The following PCDHA4 variants were observed in gnomAD, a reference collection of about 807,000 sequenced individuals.
The protein encoded by PCDHA4 is protocadherin alpha-4.
In PCDHA4, 49 loss-of-function variants were observed where a neutral mutation model predicts 61.4. The ratio of observed to expected loss-of-function variants is 0.80; its 90% CI spans 0.63 to 1.01. The LOEUF (loss-of-function observed/expected upper bound fraction) is 1.01. Ranked by LOEUF, PCDHA4 falls within the 50% of genes least tolerant of loss-of-function variation. The probability of loss-of-function intolerance (pLI) is 0.00; values close to 1 mark genes in which losing one functional copy is unlikely to be tolerated. For synonymous variants in PCDHA4, 590 were observed against 550.3 expected, an observed-to-expected ratio of 1.07 and a Z score of -1.01; for missense variants, 1,254 against 1,235.8, an observed-to-expected ratio of 1.01 and a Z score of -0.22.
intron 1 of PCDHA4, chr5:140,827,834 A>G: frequency 2.3e-6 from 1 of 435,400 alleles, no homozygotes; most frequent in Non-Finnish European, 4.0e-6. Flanking sequence ...AAGTAGAGAA[A>G]AGAAGATACT....
intron 1 of PCDHA4, among the ~76,000 whole-genome samples, chr5:140,951,315 C>A (rs782114634): frequency 6.6e-6 from 1 of 151,988 alleles, no homozygotes; most frequent in Non-Finnish European, 1.5e-5. Context: ...ATGTGTTATT[C>A]TTGAGATTCA....
At chr5:140,970,775 C>T (rs2096433002) in intron 1 of PCDHA4, among the ~76,000 whole-genome samples, 1 of 152,160 alleles carries the variant, frequency 6.6e-6, no homozygotes, top group Non-Finnish European at 1.5e-5. Context: ...GCTGTACATA[C>T]ATATTGTATG....
rs536608044 is a variant in PCDHA4 at position 140,809,816 on chromosome 5, T to C, written c.2385+244T>C. On this transcript the variant is annotated intron_variant, in intron 1 of 3. Coordinates refer to ENST00000530339, the MANE Select transcript of PCDHA4 (RefSeq NM_018907.4). ...TGTAATTTCTAGTAAATTTTCACTATATTCACCCTCTTTGTTTTTGGTAAT... is the reference window on the plus strand; with the variant it reads ...TGTAATTTCTAGTAAATTTTCACTACATTCACCCTCTTTGTTTTTGGTAAT... 8 of 407,052 alleles carry C rather than the reference T, an allele frequency of 2.0e-5. No homozygotes were observed. The South Asian group carries it at 4.1e-4, about 21-fold the overall frequency. The allele number at this position is 407,052 out of a possible 1,614,324, so 25.2% of individuals were successfully genotyped here.
intron 1 of PCDHA4, chr5:140,823,273 G>T (rs893775587): frequency 7.4e-6 from 12 of 1,612,400 alleles, no homozygotes; most frequent in Non-Finnish European, 1.0e-5. Flanking sequence ...GCGGGTGGGC[G>T]AGCGCCCGCT....
chr5:140,929,722 T>G (rs558208996), intron 1 of PCDHA4: 1 of 221,696 alleles, frequency 4.5e-6, no homozygotes, highest in Non-Finnish European at 9.4e-6. Flanking sequence ...AGGTGAAACA[T>G]TTACTTAAAC....
chr5:140,827,381 C>A, intron 1 of PCDHA4, among the ~76,000 whole-genome samples: 1 of 152,258 alleles, frequency 6.6e-6, no homozygotes, highest in South Asian at 2.1e-4. Flanking sequence ...CTAATATAAG[C>A]TGCAGATAAA....
At chr5:140,977,283 G>A (rs2096753441) in intron 1 of PCDHA4, among the ~76,000 whole-genome samples, 1 of 152,190 alleles carries the variant, frequency 6.6e-6, no homozygotes, top group African/African-American at 2.4e-5. Context: ...CTCAAAGGAA[G>A]GTTCTCTCAG....
intron 1 of PCDHA4, among the ~76,000 whole-genome samples, chr5:140,896,047 G>T (rs1369678792): frequency 6.6e-6 from 1 of 152,138 alleles, no homozygotes; most frequent in Non-Finnish European, 1.5e-5. Context: ...CTGACCTCAG[G>T]TGATCCGCCT....
chr5:140,848,815 A>G, intron 1 of PCDHA4: 4 of 1,591,096 alleles, frequency 2.5e-6, no homozygotes, highest in Non-Finnish European at 2.6e-6. Context: ...ATCCACCTGG[A>G]GGTGATCGTA....
intron 1 of PCDHA4, among the ~76,000 whole-genome samples, chr5:140,921,151 ATT>A (rs11299094): frequency 0.33 from 49,606 of 151,532 alleles, 8,413 homozygotes; most frequent in East Asian, 0.53. Flanking sequence ...CAGCTAATGC[ATT>A]TTTTTTTTAA....
chr5:140,943,830 G>C (rs1245752469), intron 1 of PCDHA4, among the ~76,000 whole-genome samples: 1 of 152,198 alleles, frequency 6.6e-6, no homozygotes, highest in Non-Finnish European at 1.5e-5. Context: ...TGAGTTGATT[G>C]AAGTTGTAAG....
At chr5:140,911,151 G>A (rs2075350899) in intron 1 of PCDHA4, among the ~76,000 whole-genome samples, 1 of 152,174 alleles carries the variant, frequency 6.6e-6, no homozygotes, top group South Asian at 2.1e-4. Context: ...TTTCTCCTCA[G>A]ACAAATGTGG....
intron 1 of PCDHA4, among the ~76,000 whole-genome samples, chr5:140,897,416 T>C (rs1233824796): frequency 6.9e-6 from 1 of 145,554 alleles, no homozygotes; most frequent in African/African-American, 2.5e-5. Flanking sequence ...TCAATTCCCA[T>C]CTATGAGTGA....
chr5:140,885,207 T>C (rs1405388039), intron 1 of PCDHA4, among the ~76,000 whole-genome samples: 1 of 152,140 alleles, frequency 6.6e-6, no homozygotes, highest in Admixed American at 6.5e-5. Context: ...ATATATCCCA[T>C]GAAAAATATC....
intron 1 of PCDHA4, among the ~76,000 whole-genome samples, chr5:140,892,806 A>G (rs1262963314): frequency 2.6e-5 from 4 of 152,228 alleles, no homozygotes; most frequent in African/African-American, 7.2e-5. Flanking sequence ...ATAGTTAACC[A>G]TATTTATCCT....
chr5:140,905,396 C>T (rs913640299), intron 1 of PCDHA4, among the ~76,000 whole-genome samples: 1 of 152,080 alleles, frequency 6.6e-6, no homozygotes, highest in Non-Finnish European at 1.5e-5. Flanking sequence ...GGTCTGTGTG[C>T]CTATTTTTAT....
intron 1 of PCDHA4, chr5:140,966,517 A>T (rs1285058359): frequency 4.6e-6 from 2 of 435,352 alleles, no homozygotes; most frequent in Non-Finnish European, 8.0e-6. Context: ...CAGCAGCAGG[A>T]AGCCGAGCCG....
At chr5:140,834,036 C>A (rs2150213017) in intron 1 of PCDHA4, among the ~76,000 whole-genome samples, 3 of 152,146 alleles carry the variant, frequency 2.0e-5, no homozygotes, top group Admixed American at 2.0e-4. Flanking sequence ...AGCCATCAGT[C>A]GCCTAAGAAT....
At chr5:140,903,149 T>C (rs1329505317) in intron 1 of PCDHA4, among the ~76,000 whole-genome samples, 1 of 152,242 alleles carries the variant, frequency 6.6e-6, no homozygotes, top group Non-Finnish European at 1.5e-5. Context: ...CTGTTTTCCA[T>C]AGTGGTTGTG....
Sources: allele counts gnomAD v4.1 joint callset (sites outside exome capture counted in the v4.1 genomes callset), GRCh38; gene constraint gnomAD v4.1.1; transcripts MANE v1.5; gene names NCBI Gene and HGNC (gene_info 2026-07-23, HGNC 2026-07-21).